ANK2: variants seen among roughly 807,000 people sequenced by gnomAD.
ANK2 encodes the protein ankyrin 2.
A neutral mutation model predicts 360.5 loss-of-function variants in ANK2; 83 were observed. The observed-to-expected ratio is 0.23, with a 90% confidence interval of 0.19 to 0.28. The LOEUF is 0.28. Ranked by LOEUF, ANK2 falls within the 10% of genes least tolerant of loss-of-function variation. The pLI is 1.00. For missense variants in ANK2, 4,201 were observed against 4,795.7 expected (o/e 0.88, Z 3.66); for synonymous variants, 1,740 against 1,759.5 (o/e 0.99, Z 0.28).
At chr4:113,191,088 C>T (rs2098654798) in intron 2 of ANK2, among the ~76,000 whole-genome samples, 1 of 152,054 alleles carries the variant, frequency 6.6e-6, no homozygotes, top group South Asian at 2.1e-4. Flanking sequence ...GCCTATAATC[C>T]CAGCACTTTG....
intron 13 of ANK2, among the ~76,000 whole-genome samples, chr4:113,260,837 T>A (rs1467549828): frequency 6.6e-6 from 1 of 152,196 alleles, no homozygotes; most frequent in Non-Finnish European, 1.5e-5. Context: ...TCTTTGCAAG[T>A]TGATGAAGAA....
intron 40 of ANK2, among the ~76,000 whole-genome samples, chr4:113,364,039 C>T (rs1041228550): frequency 1.1e-4 from 16 of 152,230 alleles, no homozygotes; most frequent in South Asian, 2.1e-4. Context: ...AAGTACTCAG[C>T]GAGCCCACCA....
chr4:113,359,097 ACAGT>A lies in ANK2; in HGVS notation c.10483_10486del (p.Ser3495ArgfsTer6), dbSNP rs1564067737. ...CTTCCAAATTAGTGGATAGGCTGACACAGTCAGAGAGGGAGCAGGAAATAGTTTC... is the reference window on the plus strand; with the variant it reads ...CTTCCAAATTAGTGGATAGGCTGACACAGAGAGGGAGCAGGAAATAGTTTC... On this transcript the variant is annotated frameshift_variant, in exon 38 of 46. Transcript: ENST00000357077. LOFTEE classifies it high-confidence loss of function. The A allele has an allele frequency of 6.2e-7, 1 of 1,614,072 alleles. No individual in the cohort carries two copies. Among genetic ancestry groups the A allele is most frequent in the Non-Finnish European group, 8.5e-7 (1 of 1,179,944 alleles).
chr4:113,291,751 G>A (rs944814836), intron 20 of ANK2, among the ~76,000 whole-genome samples: 9 of 152,318 alleles, frequency 5.9e-5, no homozygotes, highest in Admixed American at 5.9e-4. Context: ...AATAGCCATT[G>A]TCTGGTAGCC....
the ANK2 span, among the ~76,000 whole-genome samples, chr4:112,712,453 G>C: frequency 7.2e-6 from 1 of 138,132 alleles, no homozygotes; most frequent in Non-Finnish European, 1.5e-5. Context: ...TGTCGCCCAG[G>C]CTGGAGTGCA....
chr4:112,898,333 T>C (rs2082312078), intron 1 of ANK2, among the ~76,000 whole-genome samples: 1 of 152,218 alleles, frequency 6.6e-6, no homozygotes, highest in Admixed American at 6.5e-5. Flanking sequence ...ATTAGTCTCC[T>C]CTTGGCTGTA....
intron 1 of ANK2, among the ~76,000 whole-genome samples, chr4:112,899,347 T>G (rs957443785): frequency 8.5e-5 from 13 of 152,258 alleles, no homozygotes; most frequent in African/African-American, 2.9e-4. Context: ...CTTAGTGACA[T>G]CCAAAATAAT....
Position 113,293,469 on chromosome 4 carries a change from G to A in ANK2, c.2406G>A (p.Lys802=). ...GCAACACTGCCTTGGCGATTGCTAA[G>A]CGTCTGGGCTACATCTCCGTGGTCG... The part of the protein sequence containing the change: ...ANGNTALAIA[K]RLGYISVVDT... The change falls in exon 22 of 46, where the codon AAG becomes AAA. Residue 802 remains lysine, a synonymous_variant. Transcript: ENST00000357077. The A allele has an allele frequency of 4.3e-6, 7 of 1,613,828 alleles. No individual in the cohort carries two copies. The highest frequency in any genetic ancestry group is 5.9e-6 in the Non-Finnish European group (7 of 1,180,008).
At chr4:113,381,431 A>C in intron 45 of ANK2, 26 bp from the exon 46 acceptor site, 2 of 1,613,716 alleles carry the variant, frequency 1.2e-6, no homozygotes, top group African/African-American at 1.3e-5. Context: ...AAAGAGCGTA[A>C]TTCTCTCTTG....
intron 3 of ANK2, among the ~76,000 whole-genome samples, chr4:113,198,620 G>A (rs1276327805): frequency 1.3e-5 from 2 of 152,046 alleles, no homozygotes; most frequent in African/African-American, 4.8e-5. Flanking sequence ...TTCTTTGCAA[G>A]GTGAAAGAAA....
intron 1 of ANK2, among the ~76,000 whole-genome samples, chr4:113,082,300 T>C (rs912869099): frequency 1.3e-5 from 2 of 152,104 alleles, no homozygotes; most frequent in African/African-American, 4.8e-5. Flanking sequence ...ATTTCAAACT[T>C]GTTTTTTTTC....
chr4:113,169,072 T>C (rs1162815502), intron 1 of ANK2, among the ~76,000 whole-genome samples: 2 of 152,236 alleles, frequency 1.3e-5, no homozygotes, highest in Non-Finnish European at 2.9e-5. Flanking sequence ...TGTGCATCGA[T>C]AATTTGATTT....
intron 1 of ANK2, among the ~76,000 whole-genome samples, chr4:112,833,477 T>A (rs2060262519): frequency 6.6e-6 from 1 of 151,880 alleles, no homozygotes; most frequent in Non-Finnish European, 1.5e-5. Flanking sequence ...TGCCTATATA[T>A]TTTTTCTTTT....
chr4:113,297,912 C>T (rs544216100), intron 22 of ANK2, among the ~76,000 whole-genome samples: 56 of 151,868 alleles, frequency 3.7e-4, no homozygotes, highest in Middle Eastern at 3.4e-3. Context: ...AGGGACTACT[C>T]GGGAGTAGTA....
At chr4:113,076,731 G>A (rs150843333) in intron 1 of ANK2, among the ~76,000 whole-genome samples, 1 of 151,904 alleles carries the variant, frequency 6.6e-6, no homozygotes, top group African/African-American at 2.4e-5. Context: ...GGGAGGTTGA[G>A]GCTGCAGTAA....
chr4:112,986,952 A>G (rs2045092304), intron 2 of ANK2, among the ~76,000 whole-genome samples: 1 of 152,180 alleles, frequency 6.6e-6, no homozygotes, highest in Non-Finnish European at 1.5e-5. Context: ...AGTGGTGTCT[A>G]ATCTTTTGGC....
At chr4:113,084,432 A>G (rs1454908986) in intron 1 of ANK2, among the ~76,000 whole-genome samples, 2 of 152,206 alleles carry the variant, frequency 1.3e-5, no homozygotes, top group African/African-American at 2.4e-5. Flanking sequence ...AAATAAGGCT[A>G]TTTTTAAAAA....
At chr4:113,012,873 A>G (rs2055236519) in intron 2 of ANK2, among the ~76,000 whole-genome samples, 1 of 152,128 alleles carries the variant, frequency 6.6e-6, no homozygotes, top group South Asian at 2.1e-4. Context: ...ATTGGATCTC[A>G]CAGGCCTCTC....
At chr4:112,715,201 C>T in the ANK2 span, among the ~76,000 whole-genome samples, 4 of 141,388 alleles carry the variant, frequency 2.8e-5, no homozygotes, top group East Asian at 2.1e-4. Context: ...TTCCTTGCAG[C>T]GCGGTGATTG....
Sources: allele counts gnomAD v4.1 joint callset (sites outside exome capture counted in the v4.1 genomes callset), GRCh38; gene constraint gnomAD v4.1.1; transcripts MANE v1.5; gene names NCBI Gene and HGNC (gene_info 2026-07-23, HGNC 2026-07-21).